Variants in USF3 observed in about 807,000 individuals in gnomAD.
USF3 encodes basic helix-loop-helix domain-containing protein USF3.
A neutral mutation model predicts 157.5 loss-of-function variants in USF3; 29 were observed. The observed-to-expected ratio is 0.18, with a 90% CI of 0.14 to 0.25. The LOEUF is 0.25. USF3 is among the 10% of genes least tolerant of loss of function. The pLI is 1.00. For missense variants in USF3, 2,381 were observed against 2,667.6 expected (o/e 0.89, Z 2.37); for synonymous variants, 893 against 941.4 (o/e 0.95, Z 0.94).
At chr3:113,678,858 G>C (rs1243486696) in intron 1 of USF3, among the ~76,000 whole-genome samples, 1 of 151,942 alleles carries the variant, frequency 6.6e-6, no homozygotes, top group South Asian at 2.1e-4. Context: ...AAACTCTGGT[G>C]ATCCTCCCAC....
intron 6 of USF3, 98 bp downstream of exon 6, chr3:113,664,215 G>A: frequency 1.4e-6 from 1 of 699,166 alleles, no homozygotes; most frequent in Non-Finnish European, 2.4e-6. Flanking sequence ...ATGTTTTGGG[G>A]CCAAAAAGCT....
At position 113,656,749 on chromosome 3, in the gene USF3, T is replaced by C. The variant is rs1344065233; in HGVS notation, c.4933A>G (p.Ser1645Gly). 2 of 1,614,204 alleles carry C rather than the reference T, an allele frequency of 1.2e-6. No homozygotes were observed. The highest frequency in any genetic ancestry group is 4.5e-5 in the East Asian group (2 of 44,882). ...GLEQQMVSQPSIVTRSSDMTC... is the reference protein window; with the variant it reads ...GLEQQMVSQPGIVTRSSDMTC... ...ATGTCTGAAGATCTAGTCACAATAC[T>C]TGGTTGGGACACCATTTGCTGCTCT... Residue 1645 changes from serine to glycine, a missense_variant, in exon 7 of 7, where the codon AGT (serine) becomes GGT (glycine). Ser to Gly is a moderately conservative substitution (Grantham distance 56). Transcript: ENST00000316407.
In USF3 at chr3:113,652,125, GTGTGTGTGTGTGTGTA is replaced by G. The variant is rs1380611551; in HGVS notation, c.*2803_*2818del. 6.6e-6 allele frequency: 1 copy of G among 151,642 alleles called. No individual in the cohort carries two copies. Among genetic ancestry groups the G allele is most frequent in the African/African-American group, 2.4e-5 (1 of 41,232 alleles). 9.4% of individuals were successfully genotyped at this position (151,642 alleles called of 1,614,324 possible). On this transcript the variant is annotated 3_prime_UTR_variant, in exon 7 of 7. Coordinates refer to ENST00000316407, the MANE Select transcript of USF3 (RefSeq NM_001009899.4). ...AGAGAGAGAGTGTGTGTGTGTGTGT[GTGTGTGTGTGTGTGTA>G]TATGTGTATGAGAGACAGAGACAGA... is the stretch of plus-strand genomic sequence containing the variant.
intron 1 of USF3, among the ~76,000 whole-genome samples, chr3:113,687,649 T>G (rs1707588347): frequency 6.6e-6 from 1 of 152,244 alleles, no homozygotes; most frequent in South Asian, 2.1e-4. Flanking sequence ...TTGTAATATC[T>G]TTCTGACAGT....
At chr3:113,687,964 T>C (rs1707595557) in intron 1 of USF3, among the ~76,000 whole-genome samples, 1 of 152,244 alleles carries the variant, frequency 6.6e-6, no homozygotes, top group Non-Finnish European at 1.5e-5. Flanking sequence ...AAGCTTGCTT[T>C]GTAGTATAAC....
At chr3:113,686,355 G>C (rs926417844) in intron 1 of USF3, among the ~76,000 whole-genome samples, 1 of 152,196 alleles carries the variant, frequency 6.6e-6, no homozygotes, top group Non-Finnish European at 1.5e-5. Context: ...CTGGGGAAGG[G>C]GGGAAGGGTG....
chr3:113,680,034 G>C (rs1399949693), intron 1 of USF3, among the ~76,000 whole-genome samples: 1 of 137,590 alleles, frequency 7.3e-6, no homozygotes, highest in Non-Finnish European at 1.5e-5. Context: ...GTTCACCACA[G>C]ATATTGGCCT....
intron 1 of USF3, among the ~76,000 whole-genome samples, chr3:113,680,738 T>C (rs1276191971): frequency 3.3e-5 from 5 of 151,456 alleles, no homozygotes; most frequent in Admixed American, 2.0e-4. Context: ...GAGATGGAGG[T>C]TGCAGTGAGC....
intron 1 of USF3, among the ~76,000 whole-genome samples, chr3:113,678,103 G>A (rs575100909): frequency 6.7e-6 from 1 of 150,058 alleles, no homozygotes; most frequent in Non-Finnish European, 1.5e-5. Context: ...TTTAGGTACA[G>A]AAAAAGTTTT....
At chr3:113,672,252 G>A (rs531032438) in intron 4 of USF3, among the ~76,000 whole-genome samples, 4 of 151,414 alleles carry the variant, frequency 2.6e-5, no homozygotes, top group Admixed American at 2.0e-4. Flanking sequence ...AGCCTCCTGA[G>A]TAGCTGGGAT....
In USF3 at chr3:113,674,851, G is replaced by A. The variant is rs749816036; in HGVS notation, c.28C>T (p.Pro10Ser). MPEMTENET[P>S]TKKQHRKKNR... is the part of the protein sequence containing the mutation. ...ACATACCTGTGCTGCTTTTTTGTAGGCGTCTCATTCTCTGTCATTTCTGGC... is the reference window on the plus strand; with the variant it reads ...ACATACCTGTGCTGCTTTTTTGTAGACGTCTCATTCTCTGTCATTTCTGGC... The change falls in exon 3 of 7, where the codon CCT (proline) becomes TCT (serine). Residue 10 changes from proline (P) to serine (S), a missense_variant. Coordinates refer to ENST00000316407, the MANE Select transcript of USF3 (RefSeq NM_001009899.4). 1 of 1,613,584 alleles carries A rather than the reference G, an allele frequency of 6.2e-7. No homozygotes were observed. The highest frequency in any genetic ancestry group is 8.5e-7 in the Non-Finnish European group (1 of 1,179,602).
chr3:113,677,469 G>A lies in USF3; in HGVS notation c.-134-72C>T, dbSNP rs192423049. The A allele has an allele frequency of 2.6e-5, 4 of 152,324 alleles. No individual in the cohort carries two copies. The East Asian group carries it at 7.7e-4, about 29-fold the overall frequency. The allele number at this position is 152,324 out of a possible 1,614,324, so 9.4% of individuals were successfully genotyped here. On this transcript the variant is annotated intron_variant, in intron 1 of 6. Transcript: ENST00000316407. ...ATTAGCACCGCGTAAGGCAAGGGCT[G>A]ACAACCTATGGCATGCAAGCAGATT...
chr3:113,693,418 G>A (rs993419551), intron 1 of USF3, among the ~76,000 whole-genome samples: 1 of 152,084 alleles, frequency 6.6e-6, no homozygotes, highest in Non-Finnish European at 1.5e-5. Context: ...CAACTGTTAC[G>A]GGGCCACGGA....
At chr3:113,661,863 T>G (rs1314234374) in intron 6 of USF3, among the ~76,000 whole-genome samples, 1 of 152,232 alleles carries the variant, frequency 6.6e-6, no homozygotes, top group African/African-American at 2.4e-5. Context: ...TTTTATTCTT[T>G]TGAGACAGAG....
rs781273218 is a variant in USF3, at chr3:113,654,928, TTTTG to T, written c.*12_*15del. 3.5e-5 allele frequency: 55 copies of T among 1,593,802 alleles called. No individual in the cohort carries two copies. Among genetic ancestry groups the T allele is most frequent in the South Asian group, 7.9e-5 (7 of 88,174 alleles). ...TGTAATCTCACTCATTACCTTTACA[TTTTG>T]TTTATCAGTATTTAAACAGCTGAAC... is the stretch of plus-strand genomic sequence containing the variant. On this transcript the variant is annotated 3_prime_UTR_variant, in exon 7 of 7. Coordinates refer to ENST00000316407, the MANE Select transcript of USF3 (RefSeq NM_001009899.4).
intron 6 of USF3, among the ~76,000 whole-genome samples, chr3:113,661,908 G>T (rs184838224): frequency 3.0e-4 from 45 of 152,264 alleles, no homozygotes; most frequent in African/African-American, 9.6e-4. Flanking sequence ...GTGCAGTGGT[G>T]CAATCTCGGC....
chr3:113,672,689 C>T (rs994334773), intron 4 of USF3, among the ~76,000 whole-genome samples: 39 of 152,150 alleles, frequency 2.6e-4, no homozygotes, highest in Non-Finnish European at 1.0e-4. Context: ...ACTCCACATT[C>T]TGAGAAACAG....
intron 1 of USF3, among the ~76,000 whole-genome samples, chr3:113,679,042 C>CTCT (rs1361472294): frequency 4.6e-5 from 5 of 107,664 alleles, no homozygotes; most frequent in Non-Finnish European, 6.5e-5. Flanking sequence ...TCTCTCTCTC[C>CTCT]AACTCCTGGC....
chr3:113,675,392 C>G (rs916978109), intron 2 of USF3, among the ~76,000 whole-genome samples: 3 of 152,184 alleles, frequency 2.0e-5, no homozygotes, highest in African/African-American at 7.2e-5. Context: ...TTCACTCACT[C>G]ATTTGTTGGG....
Sources: gnomAD v4.1 joint callset for allele counts (sites outside exome capture counted in the v4.1 genomes callset) on GRCh38, gnomAD v4.1.1 for gene constraint, MANE v1.5 for transcripts, NCBI Gene and HGNC (gene_info 2026-07-23, HGNC 2026-07-21) for gene names.